KCTD21: variants seen among roughly 807,000 people sequenced by gnomAD.
KCTD21 encodes the protein BTB/POZ domain-containing protein KCTD21.
In KCTD21, 9 loss-of-function variants were observed where a neutral mutation model predicts 13.2. The observed-to-expected ratio is 0.68, with a 90% confidence interval of 0.41 to 1.19. KCTD21 has a LOEUF of 1.19. KCTD21 is among the 50% of genes most tolerant of loss of function. The probability of loss-of-function intolerance (pLI) is 0.01; values close to 1 mark genes in which losing one functional copy is unlikely to be tolerated. For missense variants in KCTD21, 303 were observed against 336.5 expected (o/e 0.90, Z 0.78); for synonymous variants, 142 against 137.4 (o/e 1.03, Z -0.23).
intron 1 of KCTD21, chr11:78,188,134 T>C: frequency 1.0e-6 from 1 of 985,340 alleles, no homozygotes; most frequent in Non-Finnish European, 1.2e-6. Flanking sequence ...TTCCCTGTCA[T>C]CTGTGTCTCC....
intron 1 of KCTD21, chr11:78,188,334 T>A: frequency 1.3e-5 from 13 of 984,190 alleles, no homozygotes; most frequent in Non-Finnish European, 1.6e-5. Context: ...TTTCCGACTA[T>A]CACCATCCGC....
At position 78,172,891 on chromosome 11, in the gene KCTD21, G is replaced by A. The variant is rs1033460947; in HGVS notation, c.*881C>T. The A allele has an allele frequency of 1.3e-5, 2 of 152,532 alleles. No homozygotes were observed. Among genetic ancestry groups the A allele is most frequent in the Non-Finnish European group, 2.9e-5 (2 of 68,014 alleles). 9.4% of individuals were successfully genotyped at this position (152,532 alleles called of 1,614,324 possible). On this transcript the variant is annotated 3_prime_UTR_variant, in exon 2 of 2. Transcript: ENST00000340067. ...CTTCAGATGTGCTGGGGTGTTCTAG[G>A]GGTGGGGGAGGACTAAGCAATCATC...
rs1425394529 is a variant in KCTD21 at position 78,172,448 on chromosome 11, A to T, written c.*1324T>A. 3.3e-5 allele frequency: 5 copies of T among 152,134 alleles called. No homozygotes were observed. The highest frequency in any genetic ancestry group is 6.5e-5 in the Admixed American group (1 of 15,270). The allele number at this position is 152,134 out of a possible 1,614,324, so 9.4% of individuals were successfully genotyped here. ...CCTCTTCCAGCAGAAAATGGTCGAA[A>T]GGTATATGGAGCCACAGATGGTGGG... On this transcript the variant is annotated 3_prime_UTR_variant, in exon 2 of 2. Transcript: ENST00000340067.
At chr11:78,185,857 G>A (rs561175699) in intron 1 of KCTD21, among the ~76,000 whole-genome samples, 64 of 152,220 alleles carry the variant, frequency 4.2e-4, no homozygotes, top group African/African-American at 1.5e-3. Context: ...CTCCCAAAGT[G>A]CTGGGATTAC....
rs1191450448 is a variant in KCTD21 at position 78,173,859 on chromosome 11, C to G, written c.696G>C (p.Leu232=). ...VFVEEVLKIA[L]SDGFCIDSSH... ...AAGAATCGATGCAGAAGCCATCGCTCAGAGCGATTTTCAGTACCTCTTCCA... is the reference window on the plus strand; with the variant it reads ...AAGAATCGATGCAGAAGCCATCGCTGAGAGCGATTTTCAGTACCTCTTCCA... The change falls in exon 2 of 2, where the codon CTG becomes CTC. Residue 232 remains leucine (L), a synonymous_variant. Coordinates refer to ENST00000340067, the MANE Select transcript of KCTD21 (RefSeq NM_001029859.3). 1 of 1,614,056 alleles carries G rather than the reference C, an allele frequency of 6.2e-7. No individual in the cohort carries two copies. The highest frequency in any genetic ancestry group is 1.7e-5 in the Admixed American group (1 of 59,996).
rs11453841 is a variant in KCTD21, at chr11:78,178,131, C to CTTTTT, written c.-29-3553_-29-3549dup. The CTTTTT allele has an allele frequency of 3.0e-3, 431 of 141,912 alleles. 2 individuals are homozygous for CTTTTT. Among genetic ancestry groups the CTTTTT allele is most frequent in the African/African-American group, 0.01 (402 of 38,426 alleles). The allele number at this position is 141,912 out of a possible 1,614,324, so 8.8% of individuals were successfully genotyped here. ...GCTCAGTCCTCTAAGCCCTTCTTTT[C>CTTTTT]TTTTTTTTTTTTTGAGATGGAGTCT... On this transcript the variant is annotated intron_variant, in intron 1 of 1. Coordinates refer to ENST00000340067, the MANE Select transcript of KCTD21 (RefSeq NM_001029859.3).
At chr11:78,185,173 A>G (rs1184237798) in intron 1 of KCTD21, among the ~76,000 whole-genome samples, 4 of 152,226 alleles carry the variant, frequency 2.6e-5, no homozygotes, top group African/African-American at 9.6e-5. Context: ...GTCAATCAAC[A>G]TATCTGTAAC....
intron 1 of KCTD21, among the ~76,000 whole-genome samples, chr11:78,175,703 C>T (rs1012689093): frequency 6.6e-6 from 1 of 152,116 alleles, no homozygotes; most frequent in African/African-American, 2.4e-5. Flanking sequence ...GCTGTCCGGA[C>T]TGCAAATGAC....
chr11:78,187,214 C>T (rs1013161178), intron 1 of KCTD21: 3 of 985,198 alleles, frequency 3.0e-6, no homozygotes, highest in East Asian at 1.1e-4. Flanking sequence ...CTTACCCCAC[C>T]GGAGAAAGGA....
At chr11:78,187,942 C>G (rs2511179) in intron 1 of KCTD21, 411,015 of 984,802 alleles carry the variant, frequency 0.42, 87,269 homozygotes, top group East Asian at 0.63. Context: ...ACCTGTCAAC[C>G]GCTATAGTGA....
Position 78,173,849 on chromosome 11 carries a change from A to G in KCTD21, c.706T>C (p.Phe236Leu). 3 of 1,614,180 alleles carry G rather than the reference A, an allele frequency of 1.9e-6. No homozygotes were observed. Among genetic ancestry groups the G allele is most frequent in the Non-Finnish European group, 2.5e-6 (3 of 1,180,032 alleles). Residue 236 changes from phenylalanine (F) to leucine (L), a missense_variant, in exon 2 of 2, where the codon TTC becomes CTC. Transcript: ENST00000340067. ...EVLKIALSDGFCIDSSHPHAL... is the reference protein window; with the variant it reads ...EVLKIALSDGLCIDSSHPHAL... The stretch of plus-strand genomic sequence containing the variant: ...TGTGGGTGAGAAGAATCGATGCAGA[A>G]GCCATCGCTCAGAGCGATTTTCAGT...
chr11:78,187,806 C>G (rs1862835883), intron 1 of KCTD21: 1 of 985,420 alleles, frequency 1.0e-6, no homozygotes, highest in Non-Finnish European at 1.2e-6. Context: ...ACTTTTCTTT[C>G]CTGCCTCCCA....
Position 78,173,819 on chromosome 11 carries a change from G to C in KCTD21, c.736C>G (p.Leu246Val). The C allele has an allele frequency of 6.2e-7, 1 of 1,614,176 alleles. No individual in the cohort carries two copies. Among genetic ancestry groups the C allele is most frequent in the Non-Finnish European group, 8.5e-7 (1 of 1,180,030 alleles). Residue 246 changes from leucine (L) to valine (V), a missense_variant, in exon 2 of 2, where the codon CTG becomes GTG. By Grantham distance (32) the Leu-to-Val change is conservative. Transcript: ENST00000340067. ...ATAATCTTATTGTTCATAAAATCCA[G>C]AGCATGTGGGTGAGAAGAATCGATG... ...FCIDSSHPHA[L>V]DFMNNKIIRL... is the part of the protein sequence containing the mutation.
intron 1 of KCTD21, among the ~76,000 whole-genome samples, chr11:78,179,205 C>CTT (rs35532425): frequency 2.1e-4 from 30 of 144,848 alleles, no homozygotes; most frequent in African/African-American, 4.6e-4. Flanking sequence ...TTTATTTTTA[C>CTT]TTTTTTTTTT....
chr11:78,185,444 G>C (rs1414166729), intron 1 of KCTD21, among the ~76,000 whole-genome samples: 2 of 152,166 alleles, frequency 1.3e-5, no homozygotes, highest in Non-Finnish European at 2.9e-5. Flanking sequence ...CTACTTAGAA[G>C]TGTGAAAAGC....
chr11:78,188,555 C>G lies in KCTD21; in HGVS notation c.-30+18G>C. On this transcript the variant is annotated intron_variant, in intron 1 of 1. Transcript: ENST00000340067. ...CGGTAGTCCCCGAGCCCCGCGACCC[C>G]GGCCGTGCCGCACCCACCTCCTGCC... The G allele has an allele frequency of 1.0e-6, 1 of 985,582 alleles. No homozygotes were observed. The highest frequency in any genetic ancestry group is 1.2e-6 in the Non-Finnish European group (1 of 830,080). The allele number at this position is 985,582 out of a possible 1,614,324, so 61.1% of individuals were successfully genotyped here.
At chr11:78,184,405 C>A (rs1862713317) in intron 1 of KCTD21, among the ~76,000 whole-genome samples, 1 of 148,152 alleles carries the variant, frequency 6.7e-6, no homozygotes, top group African/African-American at 2.5e-5. Flanking sequence ...GGCACAATCT[C>A]GGCTCACTGC....
chr11:78,179,656 G>A (rs1439807364), intron 1 of KCTD21, among the ~76,000 whole-genome samples: 1 of 151,890 alleles, frequency 6.6e-6, no homozygotes, highest in African/African-American at 2.4e-5. Flanking sequence ...TACCGTCCCT[G>A]CCCAACCACC....
chr11:78,185,991 C>T (rs1258850043), intron 1 of KCTD21, among the ~76,000 whole-genome samples: 2 of 152,150 alleles, frequency 1.3e-5, no homozygotes, highest in East Asian at 1.9e-4. Flanking sequence ...CTCTGTAACT[C>T]GGCAGGAAAG....
Sources: gnomAD v4.1 joint callset for allele counts (sites outside exome capture counted in the v4.1 genomes callset) on GRCh38, gnomAD v4.1.1 for gene constraint, MANE v1.5 for transcripts, NCBI Gene and HGNC (gene_info 2026-07-23, HGNC 2026-07-21) for gene names.